BEND5: variants seen among roughly 807,000 people sequenced by gnomAD.
The protein encoded by BEND5 is BEN domain-containing protein 5.
A neutral mutation model predicts 43.9 loss-of-function variants in BEND5; 22 were observed. The observed-to-expected ratio is 0.50, with a 90% CI of 0.36 to 0.72. The LOEUF is 0.72. BEND5 is among the 30% of genes least tolerant of loss of function. The pLI is 0.00. For missense variants in BEND5, 428 were observed against 550.6 expected (o/e 0.78, Z 2.23); for synonymous variants, 228 against 225.9 (o/e 1.01, Z -0.08).
chr1:48,738,068 A>C (rs1190056692), intron 4 of BEND5, among the ~76,000 whole-genome samples: 1 of 152,242 alleles, frequency 6.6e-6, no homozygotes, highest in African/African-American at 2.4e-5. Flanking sequence ...TGTTCAAAAA[A>C]CAATTAAAGA....
At chr1:48,776,581 C>T (rs1451973636) in intron 1 of BEND5, 25 bp downstream of exon 1, 33 of 1,386,782 alleles carry the variant, frequency 2.4e-5, no homozygotes, top group Non-Finnish European at 2.8e-5. Context: ...CGGGTCCCAC[C>T]GTCCCTCCCC....
At chr1:48,756,592 G>A (rs1643941285) in intron 3 of BEND5, among the ~76,000 whole-genome samples, 1 of 152,230 alleles carries the variant, frequency 6.6e-6, no homozygotes, top group African/African-American at 2.4e-5. Flanking sequence ...CAAAGCCACA[G>A]AGTTGGGAAG....
chr1:48,728,239 T>TA (rs1647494520), intron 5 of BEND5, among the ~76,000 whole-genome samples, 196 bp from the exon 6 acceptor site: 1 of 152,192 alleles, frequency 6.6e-6, no homozygotes, highest in Admixed American at 6.5e-5. Flanking sequence ...ATGTACTCTT[T>TA]AAAAGTAATG....
chr1:48,747,686 C>T (rs925041933), intron 3 of BEND5, among the ~76,000 whole-genome samples: 3 of 152,308 alleles, frequency 2.0e-5, no homozygotes, highest in African/African-American at 4.8e-5. Flanking sequence ...CACACAGTTA[C>T]GGTCTTTGTA....
At chr1:48,768,348 A>C (rs1309117210) in intron 1 of BEND5, among the ~76,000 whole-genome samples, 1 of 152,200 alleles carries the variant, frequency 6.6e-6, no homozygotes, top group Non-Finnish European at 1.5e-5. Context: ...CAAAGCTCTA[A>C]ATAATGCCCA....
At chr1:48,752,120 T>C (rs1271655394) in intron 3 of BEND5, among the ~76,000 whole-genome samples, 1 of 152,196 alleles carries the variant, frequency 6.6e-6, no homozygotes, top group Non-Finnish European at 1.5e-5. Context: ...GTGGGCCTCT[T>C]AGGCCTTACC....
At position 48,776,818 on chromosome 1, in the gene BEND5, A is replaced by G. The variant is rs1160016693; in HGVS notation, c.14T>C (p.Val5Ala). ...GCAGACGTTGTCCTCCAGGAACCGC[A>G]CAAAGGCGTACATGGTGGGCGCCGG... MYAF[V>A]RFLEDNVCYA... The change falls in exon 1 of 6, where the codon GTG (valine) becomes GCG (alanine). Residue 5 changes from valine to alanine, a missense_variant. Transcript: ENST00000371833. 2 of 1,515,568 alleles carry G rather than the reference A, an allele frequency of 1.3e-6. No homozygotes were observed. The highest frequency in any genetic ancestry group is 2.9e-5 in the African/African-American group (2 of 68,848). The allele number at this position is 1,515,568 out of a possible 1,614,324, so 93.9% of individuals were successfully genotyped here.
rs754818071 is a variant in BEND5, at chr1:48,776,637, C to T, written c.195G>A (p.Leu65=). Residue 65 remains leucine (L), a synonymous_variant, in exon 1 of 6, where the codon TTG becomes TTA. Transcript: ENST00000371833. ...GCGCCAGGATCTGGGCCTTGTGGAG[C>T]AACAGCGCGCCCCAGTCGCGGGGGG... The part of the protein sequence containing the change: ...PRAPRDWGAL[L]LHKAQILALA... The T allele has an allele frequency of 1.3e-5, 19 of 1,480,600 alleles. No homozygotes were observed. Among genetic ancestry groups the T allele is most frequent in the Non-Finnish European group, 1.5e-5 (17 of 1,120,302 alleles). The allele number at this position is 1,480,600 out of a possible 1,614,324, so 91.7% of individuals were successfully genotyped here.
At chr1:48,756,255 G>A (rs1643919387) in intron 3 of BEND5, among the ~76,000 whole-genome samples, 1 of 152,190 alleles carries the variant, frequency 6.6e-6, no homozygotes, top group Admixed American at 6.5e-5. Flanking sequence ...TCAGGCTTCA[G>A]CCTAAAAGTT....
At chr1:48,776,089 G>C (rs1645065161) in intron 1 of BEND5, among the ~76,000 whole-genome samples, 1 of 152,128 alleles carries the variant, frequency 6.6e-6, no homozygotes, top group Non-Finnish European at 1.5e-5. Flanking sequence ...GCTTCCCTCT[G>C]TGAGGAGGGA....
intron 3 of BEND5, among the ~76,000 whole-genome samples, chr1:48,749,479 A>G (rs1359336404): frequency 4.6e-5 from 7 of 152,214 alleles, no homozygotes; most frequent in Non-Finnish European, 8.8e-5. Context: ...AACTTGCCAG[A>G]AGTCACATAG....
chr1:48,743,354 A>G (rs1454546290), intron 3 of BEND5, among the ~76,000 whole-genome samples: 1 of 152,230 alleles, frequency 6.6e-6, no homozygotes, highest in East Asian at 1.9e-4. Context: ...TGCAATCAAC[A>G]CAAATTACAT....
intron 5 of BEND5, among the ~76,000 whole-genome samples, chr1:48,735,932 A>C (rs1332097187): frequency 1.3e-5 from 2 of 152,034 alleles, no homozygotes; most frequent in Admixed American, 6.5e-5. Context: ...CGTCCCCAGG[A>C]ATTCTTCCCT....
At chr1:48,739,740 C>T (rs1476124227) in intron 4 of BEND5, among the ~76,000 whole-genome samples, 1 of 152,198 alleles carries the variant, frequency 6.6e-6, no homozygotes, top group Admixed American at 6.5e-5. Context: ...GCAACTGTTA[C>T]ATCCTTTACC....
chr1:48,744,559 T>C (rs568288277), intron 3 of BEND5, among the ~76,000 whole-genome samples: 5 of 152,200 alleles, frequency 3.3e-5, no homozygotes, highest in Admixed American at 3.3e-4. Context: ...CTCACGGTCA[T>C]TTTTAGCAAG....
chr1:48,770,280 C>A (rs537627137), intron 1 of BEND5, among the ~76,000 whole-genome samples: 1 of 152,078 alleles, frequency 6.6e-6, no homozygotes, highest in African/African-American at 2.4e-5. Context: ...TATGTCTGAC[C>A]AATGAGTGAA....
intron 1 of BEND5, among the ~76,000 whole-genome samples, chr1:48,761,692 T>C (rs1165627759): frequency 1.3e-5 from 2 of 152,158 alleles, no homozygotes; most frequent in Admixed American, 6.5e-5. Context: ...TCATACAAAG[T>C]GTTGAAATAG....
intron 2 of BEND5, among the ~76,000 whole-genome samples, chr1:48,759,684 G>T (rs1644152317): frequency 6.6e-6 from 1 of 152,200 alleles, no homozygotes; most frequent in African/African-American, 2.4e-5. Flanking sequence ...GAATCAGGGA[G>T]AAATGAGGCC....
chr1:48,773,680 A>G (rs1029190631), intron 1 of BEND5, among the ~76,000 whole-genome samples: 3 of 152,192 alleles, frequency 2.0e-5, no homozygotes, highest in Non-Finnish European at 4.4e-5. Context: ...AACATCGGCT[A>G]CTTTACAAAG....
Sources: allele counts gnomAD v4.1 joint callset (sites outside exome capture counted in the v4.1 genomes callset), GRCh38; gene constraint gnomAD v4.1.1; transcripts MANE v1.5; gene names NCBI Gene and HGNC (gene_info 2026-07-23, HGNC 2026-07-21).